LRP1B: variants seen among roughly 807,000 people sequenced by gnomAD.
LRP1B encodes the protein low-density lipoprotein receptor-related protein 1B.
Under a neutral mutation model 556.6 loss-of-function variants are expected in LRP1B, and 217 were observed. That is an observed-to-expected ratio of 0.39 (90% CI 0.35 to 0.44). The LOEUF is 0.44. Among genes scored for constraint, LRP1B ranks in the 20% least tolerant of loss-of-function variants. The probability of loss-of-function intolerance (pLI) is 1.00; values close to 1 mark genes in which losing one functional copy is unlikely to be tolerated. For missense variants in LRP1B, 5,053 were observed against 5,620.8 expected (o/e 0.90, Z 3.23); for synonymous variants, 2,047 against 1,865.8 (o/e 1.10, Z -2.50).
At chr2:141,230,675 G>C (rs1379905870) in intron 5 of LRP1B, among the ~76,000 whole-genome samples, 1 of 152,030 alleles carries the variant, frequency 6.6e-6, no homozygotes, top group African/African-American at 2.4e-5. Context: ...ACTTCTTACT[G>C]TTCCTTGAAC....
intron 1 of LRP1B, among the ~76,000 whole-genome samples, chr2:142,050,239 C>A (rs758590066): frequency 3.9e-5 from 6 of 151,928 alleles, no homozygotes; most frequent in Admixed American, 6.6e-5. Context: ...ATGGCAATTG[C>A]CTTTAAAATT....
At chr2:141,728,822 G>A (rs1388669499) in intron 2 of LRP1B, among the ~76,000 whole-genome samples, 3 of 152,128 alleles carry the variant, frequency 2.0e-5, no homozygotes, top group Non-Finnish European at 4.4e-5. Context: ...CAACATCATT[G>A]ATTGACTCTA....
chr2:141,755,930 C>T (rs1301875590), intron 2 of LRP1B, among the ~76,000 whole-genome samples: 1 of 152,046 alleles, frequency 6.6e-6, no homozygotes, highest in Admixed American at 6.6e-5. Flanking sequence ...TATACTCTAC[C>T]ATTATTTTTA....
intron 2 of LRP1B, among the ~76,000 whole-genome samples, chr2:141,702,592 G>A (rs1691981284): frequency 6.6e-6 from 1 of 151,850 alleles, no homozygotes; most frequent in South Asian, 2.1e-4. Context: ...TCCCAGTGGG[G>A]ACATTGATAA....
At chr2:140,382,795 TTA>T (rs201038740) in intron 67 of LRP1B, among the ~76,000 whole-genome samples, 1,960 of 152,322 alleles carry the variant, frequency 0.013, 22 homozygotes, top group Non-Finnish European at 0.02. Context: ...TGACTTTAAA[TTA>T]TGTTGCTGTT....
intron 7 of LRP1B, among the ~76,000 whole-genome samples, chr2:141,138,919 T>G (rs79818497): frequency 0.035 from 5,314 of 151,960 alleles, 146 homozygotes; most frequent in East Asian, 0.16. Flanking sequence ...CAGCTTTGGA[T>G]AAACAACAAA....
intron 43 of LRP1B, among the ~76,000 whole-genome samples, chr2:140,579,017 A>T (rs1387595932): frequency 6.6e-6 from 1 of 152,074 alleles, no homozygotes; most frequent in Non-Finnish European, 1.5e-5. Context: ...AGCAAGGGAG[A>T]CAAGGGGAAC....
chr2:141,638,633 G>A (rs1574175681), intron 2 of LRP1B, among the ~76,000 whole-genome samples: 2 of 114,570 alleles, frequency 1.7e-5, no homozygotes, highest in African/African-American at 6.0e-5. Flanking sequence ...TTCACACAAA[G>A]CACAGAGCAC....
chr2:141,010,800 G>A (rs1234836490), intron 14 of LRP1B, among the ~76,000 whole-genome samples: 2 of 151,980 alleles, frequency 1.3e-5, no homozygotes, highest in African/African-American at 2.4e-5. Context: ...ACAGGCATTA[G>A]CCTCTGTGCC....
At chr2:140,513,620 T>A (rs1689756090) in intron 51 of LRP1B, among the ~76,000 whole-genome samples, 1 of 90,016 alleles carries the variant, frequency 1.1e-5, no homozygotes, top group Non-Finnish European at 2.4e-5. Flanking sequence ...GAAAGTAAAT[T>A]GCCTACTTTC....
chr2:141,655,197 T>C (rs180741291), intron 2 of LRP1B, among the ~76,000 whole-genome samples: 3 of 152,194 alleles, frequency 2.0e-5, no homozygotes, highest in Admixed American at 2.0e-4. Flanking sequence ...AAATTTGATC[T>C]CCTTGGTCAC....
At chr2:142,031,869 A>G (rs1703723828) in intron 1 of LRP1B, among the ~76,000 whole-genome samples, 1 of 151,752 alleles carries the variant, frequency 6.6e-6, no homozygotes, top group Admixed American at 6.6e-5. Flanking sequence ...CCCTAATCCC[A>G]TATGTCTGGT....
chr2:141,976,796 A>C (rs1345671152), intron 1 of LRP1B, among the ~76,000 whole-genome samples: 2 of 152,078 alleles, frequency 1.3e-5, no homozygotes, highest in Non-Finnish European at 2.9e-5. Context: ...GAAAAGGAGG[A>C]TGTGTAGGAG....
chr2:141,966,578 A>T (rs1030705572), intron 1 of LRP1B, among the ~76,000 whole-genome samples: 1 of 150,234 alleles, frequency 6.7e-6, no homozygotes, highest in African/African-American at 2.4e-5. Flanking sequence ...TCAACATAAG[A>T]TTTTTTTTTC....
chr2:141,837,338 C>G (rs1385340792), intron 1 of LRP1B, among the ~76,000 whole-genome samples: 1 of 151,878 alleles, frequency 6.6e-6, no homozygotes, highest in African/African-American at 2.4e-5. Flanking sequence ...CTGAATGTCA[C>G]TTTTTTAACC....
intron 85 of LRP1B, among the ~76,000 whole-genome samples, chr2:140,273,308 A>G (rs1682541467): frequency 6.6e-6 from 1 of 151,950 alleles, no homozygotes; most frequent in African/African-American, 2.4e-5. Context: ...ACAAAGAACA[A>G]ATGAGCTTTA....
At chr2:141,033,287 A>G (rs1698432369) in intron 11 of LRP1B, among the ~76,000 whole-genome samples, 1 of 152,012 alleles carries the variant, frequency 6.6e-6, no homozygotes, top group Non-Finnish European at 1.5e-5. Flanking sequence ...AAGCAGTCAG[A>G]TGCCAGATCA....
intron 31 of LRP1B, among the ~76,000 whole-genome samples, chr2:140,834,118 T>C (rs956666634): frequency 6.6e-6 from 1 of 152,220 alleles, no homozygotes; most frequent in Non-Finnish European, 1.5e-5. Context: ...CAGAATCTTT[T>C]TGCTGTTCTA....
At chr2:141,821,539 A>T (rs1696752733) in intron 1 of LRP1B, among the ~76,000 whole-genome samples, 1 of 152,204 alleles carries the variant, frequency 6.6e-6, no homozygotes, top group South Asian at 2.1e-4. Flanking sequence ...AAAACCTTAT[A>T]AATTGCTAAT....
Sources: gnomAD v4.1 joint callset for allele counts (sites outside exome capture counted in the v4.1 genomes callset) on GRCh38, gnomAD v4.1.1 for gene constraint, MANE v1.5 for transcripts, NCBI Gene and HGNC (gene_info 2026-07-23, HGNC 2026-07-21) for gene names.